Variants in DGKD observed in about 807,000 individuals in gnomAD.
The protein encoded by DGKD is DAG kinase delta.
In DGKD, 68 loss-of-function variants were observed where a neutral mutation model predicts 154.4. The ratio of observed to expected loss-of-function variants is 0.44; its 90% confidence interval spans 0.36 to 0.54. The LOEUF (loss-of-function observed/expected upper bound fraction) is 0.54, where lower values mean the gene tolerates loss of function less well. Among genes scored for constraint, DGKD ranks in the 20% least tolerant of loss-of-function variants. DGKD has a pLI of 0.00. For missense variants in DGKD, 1,343 were observed against 1,593.6 expected (o/e 0.84, Z 2.68); for synonymous variants, 693 against 638.0 (o/e 1.09, Z -1.30).
Position 233,438,751 on chromosome 2 carries a change from CTATCATCTATCTATCT to C in DGKD, c.1085+373_1085+388del, listed in dbSNP as rs749715936. On this transcript the variant is annotated intron_variant, in intron 9 of 29. Transcript: ENST00000264057. The surrounding 1 kb of genome is among the most constrained non-coding windows in gnomAD (Gnocchi z 4.1). ...TATAATTTTTTATTTATCTGTCTAT[CTATCATCTATCTATCT>C]ATCTATCTATCTATCTATCTATCTA... is the stretch of plus-strand genomic sequence containing the variant. Among the ~76,000 whole-genome samples, 137 of 96,706 alleles carry C rather than the reference CTATCATCTATCTATCT, an allele frequency of 1.4e-3. No individual in the cohort carries two copies. The highest frequency in any genetic ancestry group is 1.7e-3 in the Non-Finnish European group (83 of 48,798). The allele number at this position is 96,706 out of a possible 152,430, so 63.4% of individuals were successfully genotyped here.
chr2:233,446,629 C>G (rs1575138309), intron 11 of DGKD, 83 bp from the exon 12 acceptor site: 1 of 1,415,076 alleles, frequency 7.1e-7, no homozygotes, highest in Non-Finnish European at 9.7e-7. Flanking sequence ...TCAAGGCTGC[C>G]AGCCGTGAAA....
At chr2:233,380,320 C>T (rs1463941156) in intron 1 of DGKD, among the ~76,000 whole-genome samples, 2 of 152,172 alleles carry the variant, frequency 1.3e-5, no homozygotes, top group African/African-American at 4.8e-5. Flanking sequence ...GTTGGATTAG[C>T]AGTGATGCTG....
Position 233,459,875 on chromosome 2 carries a change from C to T in DGKD, c.2813C>T (p.Thr938Ile). The T allele has an allele frequency of 6.2e-7, 1 of 1,613,922 alleles. No homozygotes were observed. The highest frequency in any genetic ancestry group is 1.1e-5 in the South Asian group (1 of 91,066). ...ATTGTCCACAAGAACCGGGCACAGA[C>T]ACTGACCAGAGACAGGGTAAGAGCG... ...IRIVHKNRAQ[T>I]LTRDRAFEST... Residue 938 changes from threonine (T) to isoleucine (I), a missense_variant, in exon 23 of 30, where the codon ACA becomes ATA. Physicochemically the swap from Thr to Ile is moderately conservative, Grantham distance 89. Around this residue, in one of 6 missense-constraint regions of DGKD, gnomAD observed 429 missense variants for 496.3 expected, o/e 0.86. Coordinates refer to ENST00000264057, the MANE Select transcript of DGKD (RefSeq NM_152879.3). This position sits in a 1 kb window ranked among gnomAD's most constrained non-coding sequence, Gnocchi z 5.7.
At chr2:233,406,534 GGACGGGGA>G (rs1229241936) in intron 3 of DGKD, among the ~76,000 whole-genome samples, 1 of 152,204 alleles carries the variant, frequency 6.6e-6, no homozygotes, top group African/African-American at 2.4e-5. Context: ...TCCTGTTGTT[GGACGGGGA>G]GACGAGGAGA....
intron 17 of DGKD, 73 bp downstream of exon 17, chr2:233,451,123 G>A (rs754788784): frequency 7.2e-6 from 11 of 1,523,012 alleles, no homozygotes; most frequent in Non-Finnish European, 9.8e-6. Context: ...TGAAAGAGAT[G>A]GGCTCGCTGC....
chr2:233,419,571 G>A, intron 3 of DGKD: 1 of 469,396 alleles, frequency 2.1e-6, no homozygotes, highest in Non-Finnish European at 2.8e-6. Flanking sequence ...CTTAGAAATG[G>A]AAGGCTGGAA....
At chr2:233,423,637 G>T (rs955798737) in intron 3 of DGKD, among the ~76,000 whole-genome samples, 1 of 152,142 alleles carries the variant, frequency 6.6e-6, no homozygotes, top group East Asian at 1.9e-4. Context: ...TCTGTTAGGT[G>T]AGTGCTGGAG....
intron 18 of DGKD, among the ~76,000 whole-genome samples, chr2:233,454,032 C>T (rs1343911994): frequency 6.6e-6 from 1 of 152,216 alleles, no homozygotes; most frequent in Non-Finnish European, 1.5e-5. Flanking sequence ...AGGTTTGGTG[C>T]TGCTGGTGGA....
chr2:233,468,604 T>G, intron 29 of DGKD, 51 bp downstream of exon 29: 1 of 1,606,768 alleles, frequency 6.2e-7, no homozygotes. Flanking sequence ...TGCACGCAGC[T>G]CCCTTCTCTT....
At chr2:233,368,489 G>A (rs1262817793) in intron 1 of DGKD, among the ~76,000 whole-genome samples, 3 of 152,142 alleles carry the variant, frequency 2.0e-5, no homozygotes, top group African/African-American at 7.2e-5. Context: ...TCCAGGCTGG[G>A]CGACAGAGCG....
intron 3 of DGKD, among the ~76,000 whole-genome samples, chr2:233,428,576 C>A (rs1383602071): frequency 6.6e-6 from 1 of 152,186 alleles, no homozygotes; most frequent in Admixed American, 6.5e-5. Flanking sequence ...TGCGACACTG[C>A]TCTTAATAGC....
chr2:233,397,115 A>G (rs1222155785), intron 3 of DGKD, among the ~76,000 whole-genome samples: 1 of 86,608 alleles, frequency 1.2e-5, no homozygotes, highest in African/African-American at 3.7e-5. Flanking sequence ...GGTGGCTGGC[A>G]GAGGCCAGAG....
chr2:233,408,511 G>GC (rs1327665237), intron 3 of DGKD, among the ~76,000 whole-genome samples: 3 of 152,164 alleles, frequency 2.0e-5, no homozygotes, highest in African/African-American at 4.8e-5. Context: ...AGCAGCTCCT[G>GC]CCCCCTGGGC....
chr2:233,450,649 C>T (rs2063246473), intron 16 of DGKD, among the ~76,000 whole-genome samples: 1 of 152,170 alleles, frequency 6.6e-6, no homozygotes, highest in Non-Finnish European at 1.5e-5. Context: ...TGTGTGTGCT[C>T]CGCCTCCCAC....
intron 29 of DGKD, among the ~76,000 whole-genome samples, 182 bp from the exon 30 acceptor site, chr2:233,469,189 G>A (rs2063922976): frequency 6.6e-6 from 1 of 152,248 alleles, no homozygotes; most frequent in Non-Finnish European, 1.5e-5. Context: ...GGAACAATGG[G>A]CCAGGCATCT....
At chr2:233,381,958 G>A (rs1702926709) in intron 1 of DGKD, among the ~76,000 whole-genome samples, 1 of 152,206 alleles carries the variant, frequency 6.6e-6, no homozygotes, top group Admixed American at 6.5e-5. Context: ...ATTGGGCCAG[G>A]TGCGGTGGCT....
At chr2:233,462,532 CA>C in intron 25 of DGKD, 73 bp downstream of exon 25, 1 of 1,528,888 alleles carries the variant, frequency 6.5e-7, no homozygotes, top group Non-Finnish European at 9.0e-7. Flanking sequence ...CGTGCGTGTT[CA>C]TTCCCCCGCC....
At chr2:233,418,312 CTGGGGTGCCTTTCA>C (rs1559522646) in intron 3 of DGKD, among the ~76,000 whole-genome samples, 3 of 152,334 alleles carry the variant, frequency 2.0e-5, no homozygotes, top group East Asian at 3.9e-4. Context: ...AGCTCTACAT[CTGGGGTGCCTTTCA>C]TGGGTAATAA....
At chr2:233,381,393 G>A (rs1324054715) in intron 1 of DGKD, among the ~76,000 whole-genome samples, 1 of 152,266 alleles carries the variant, frequency 6.6e-6, no homozygotes, top group African/African-American at 2.4e-5. Flanking sequence ...GTTATCAGCA[G>A]ACTTTTATGC....
Sources: allele counts gnomAD v4.1 joint callset (sites outside exome capture counted in the v4.1 genomes callset), GRCh38; gene constraint gnomAD v4.1.1; regional missense constraint gnomAD v4.1.1; non-coding constraint Gnocchi (gnomAD v3.1); transcripts MANE v1.5; gene names NCBI Gene and HGNC (gene_info 2026-07-23, HGNC 2026-07-21).